Variants in EBF2 observed in about 807,000 individuals in gnomAD.
The protein encoded by EBF2 is transcription factor COE2.
In EBF2, 21 loss-of-function variants were observed where a neutral mutation model predicts 72.8. The observed-to-expected ratio is 0.29, with a 90% CI of 0.20 to 0.42. EBF2 has a LOEUF of 0.42. Ranked by LOEUF, EBF2 falls within the 10% of genes least tolerant of loss-of-function variation. The pLI, the probability that EBF2 is intolerant of heterozygous loss-of-function variation, is 1.00. For synonymous variants in EBF2, 299 were observed against 274.2 expected, an observed-to-expected ratio of 1.09 and a Z score of -0.89; for missense variants, 637 against 731.2, an observed-to-expected ratio of 0.87 and a Z score of 1.49.
chr8:25,879,325 T>C (rs1335868155), intron 10 of EBF2, among the ~76,000 whole-genome samples: 1 of 152,166 alleles, frequency 6.6e-6, no homozygotes. Context: ...TAATGTACAA[T>C]GAGGATATTT....
intron 6 of EBF2, among the ~76,000 whole-genome samples, chr8:26,015,367 C>A (rs1308011088): frequency 1.3e-5 from 2 of 152,206 alleles, no homozygotes; most frequent in African/African-American, 2.4e-5. Flanking sequence ...CTCTTCCCTG[C>A]CACAAGGGCA....
intron 6 of EBF2, among the ~76,000 whole-genome samples, chr8:25,996,155 G>T (rs917612500): frequency 1.3e-5 from 2 of 151,836 alleles, no homozygotes; most frequent in Non-Finnish European, 2.9e-5. Context: ...TAAAACAATT[G>T]GCCAGGCATG....
intron 6 of EBF2, among the ~76,000 whole-genome samples, chr8:26,013,779 A>T (rs1047947611): frequency 2.6e-5 from 4 of 152,152 alleles, no homozygotes; most frequent in Non-Finnish European, 4.4e-5. Flanking sequence ...GTCGATATGA[A>T]ATCAGACAGT....
intron 6 of EBF2, among the ~76,000 whole-genome samples, chr8:25,974,476 A>T (rs755446160): frequency 5.7e-4 from 87 of 152,292 alleles, no homozygotes; most frequent in Non-Finnish European, 1.1e-3. Context: ...CTATCCTTTT[A>T]CCTGATTGGG....
At position 25,858,330 on chromosome 8, in the gene EBF2, G is replaced by A. The variant is rs1278825155; in HGVS notation, c.1517C>T (p.Ser506Phe). ...PGFLNGSPTG[S>F]PYGIMSSSPT... ...GAGAGGTCACTTACTTCCATAAGGA[G>A]AGCCGGTGGGTGAGCCATTTAGAAA... is the stretch of plus-strand genomic sequence containing the variant. The change falls in exon 14 of 16, where the codon TCT becomes TTT. Residue 506 changes from serine to phenylalanine, a missense_variant. Around this residue, in one of 3 missense-constraint regions of EBF2, gnomAD observed 259 missense variants for 268.1 expected, o/e 0.97. Transcript: ENST00000520164. 6.2e-7 allele frequency: 1 copy of A among 1,614,164 alleles called. No individual in the cohort carries two copies. Among genetic ancestry groups the A allele is most frequent in the Non-Finnish European group, 8.5e-7 (1 of 1,180,014 alleles).
chr8:25,926,278 G>C (rs1430023484), intron 6 of EBF2, among the ~76,000 whole-genome samples: 1 of 152,148 alleles, frequency 6.6e-6, no homozygotes, highest in Non-Finnish European at 1.5e-5. Context: ...TGAATCCAAG[G>C]CAGGCTGGCT....
chr8:25,871,270 G>A (rs1266533932), intron 10 of EBF2, among the ~76,000 whole-genome samples: 2 of 152,124 alleles, frequency 1.3e-5, no homozygotes, highest in Non-Finnish European at 2.9e-5. Flanking sequence ...CACCAAGACT[G>A]TCTCCAAGGG....
At chr8:25,889,643 G>T (rs776635583) in intron 8 of EBF2, 109 bp downstream of exon 8, 4 of 818,992 alleles carry the variant, frequency 4.9e-6, no homozygotes, top group Admixed American at 2.3e-5. Flanking sequence ...AACCCACATT[G>T]TTCTGTGTAC....
intron 6 of EBF2, among the ~76,000 whole-genome samples, chr8:25,918,103 G>T (rs1323962279): frequency 6.6e-6 from 1 of 152,126 alleles, no homozygotes; most frequent in Admixed American, 6.5e-5. Flanking sequence ...CTGAACTAAG[G>T]CAGAATGACG....
At chr8:25,973,091 G>T (rs542141133) in intron 6 of EBF2, among the ~76,000 whole-genome samples, 1 of 152,046 alleles carries the variant, frequency 6.6e-6, no homozygotes, top group Admixed American at 6.6e-5. Flanking sequence ...TATTTACCCA[G>T]GAGGCCTGCA....
intron 6 of EBF2, among the ~76,000 whole-genome samples, chr8:25,908,935 C>T (rs905797410): frequency 1.3e-5 from 2 of 152,166 alleles, no homozygotes; most frequent in Non-Finnish European, 2.9e-5. Context: ...CAGGACCCGG[C>T]CCCAGAATCC....
intron 6 of EBF2, among the ~76,000 whole-genome samples, chr8:25,915,954 C>A (rs11784157): frequency 2.6e-5 from 4 of 151,882 alleles, no homozygotes; most frequent in Non-Finnish European, 4.4e-5. Flanking sequence ...GATGATGATT[C>A]AATTTTTACT....
rs374938353 is a variant in EBF2, at chr8:26,039,973, G to A, written c.482+55C>T. ...TCCCGGGAACGCGGCGCGCCAAGGC[G>A]GGGCTGGAGCACCTGCGGGCTCTCC... On this transcript the variant is annotated intron_variant, in intron 5 of 15. Coordinates refer to ENST00000520164, the MANE Select transcript of EBF2 (RefSeq NM_022659.4). 4.4e-6 allele frequency: 7 copies of A among 1,584,308 alleles called. No homozygotes were observed. The East Asian group carries it at 1.4e-4, about 31-fold the overall frequency.
At chr8:26,035,468 C>A (rs986813343) in intron 5 of EBF2, among the ~76,000 whole-genome samples, 6 of 152,118 alleles carry the variant, frequency 3.9e-5, no homozygotes, top group African/African-American at 1.4e-4. Flanking sequence ...AGCTCTGTGG[C>A]TCTCTGCAGC....
chr8:25,944,019 C>G (rs965114620), intron 6 of EBF2, among the ~76,000 whole-genome samples: 4 of 152,118 alleles, frequency 2.6e-5, no homozygotes, highest in African/African-American at 9.7e-5. Flanking sequence ...GAAATGGGCT[C>G]TTATCTGAAC....
At chr8:26,020,671 G>A (rs1805190438) in intron 6 of EBF2, among the ~76,000 whole-genome samples, 1 of 152,170 alleles carries the variant, frequency 6.6e-6, no homozygotes, top group Non-Finnish European at 1.5e-5. Flanking sequence ...TTAAAGACAA[G>A]TAGAGGAAGC....
intron 6 of EBF2, among the ~76,000 whole-genome samples, chr8:26,010,146 G>A (rs934436445): frequency 2.0e-5 from 3 of 152,164 alleles, no homozygotes; most frequent in African/African-American, 2.4e-5. Flanking sequence ...TATCTGGGCT[G>A]GTACAAAAGG....
At chr8:25,916,367 G>C (rs976101614) in intron 6 of EBF2, among the ~76,000 whole-genome samples, 7 of 151,840 alleles carry the variant, frequency 4.6e-5, no homozygotes, top group Admixed American at 4.6e-4. Context: ...CCAATAGTGA[G>C]GACTAGTTAT....
chr8:25,850,950 T>TAATA (rs1801955552), intron 14 of EBF2, among the ~76,000 whole-genome samples, 189 bp from the exon 15 acceptor site: 1 of 151,938 alleles, frequency 6.6e-6, no homozygotes, highest in African/African-American at 2.4e-5. Context: ...ATAAAACAAC[T>TAATA]AATATGGTAA....
Sources: allele counts gnomAD v4.1 joint callset (sites outside exome capture counted in the v4.1 genomes callset), GRCh38; gene constraint gnomAD v4.1.1; regional missense constraint gnomAD v4.1.1; transcripts MANE v1.5; gene names NCBI Gene and HGNC (gene_info 2026-07-23, HGNC 2026-07-21).